The following FBN3 variants were observed in gnomAD, a reference collection of about 807,000 sequenced individuals.
FBN3 encodes fibrillin-3.
In FBN3, 234 loss-of-function variants were observed where a neutral mutation model predicts 330.1. The ratio of observed to expected loss-of-function variants is 0.71; its 90% CI spans 0.64 to 0.79. FBN3 has a LOEUF of 0.79. Among genes scored for constraint, FBN3 ranks in the 30% least tolerant of loss-of-function variants. FBN3 has a pLI of 0.00. For synonymous variants in FBN3, 1,458 were observed against 1,517.3 expected, an observed-to-expected ratio of 0.96 and a Z score of 0.91; for missense variants, 3,606 against 3,886.9, an observed-to-expected ratio of 0.93 and a Z score of 1.92.
At position 8,096,187 on chromosome 19, in the gene FBN3, GC is replaced by G; in HGVS notation, c.5540-108del. ...GCACTCCTCCCCTGCACCTAGCCCT[GC>G]CTAGATGACTGGGCAGTGACCCCTG... is the stretch of plus-strand genomic sequence containing the variant. On this transcript the variant is annotated intron_variant, in intron 44 of 63. Coordinates refer to ENST00000600128, the MANE Select transcript of FBN3 (RefSeq NM_032447.5). The surrounding 1 kb of genome is among the most constrained non-coding windows in gnomAD (Gnocchi z 4.6). 1.1e-6 allele frequency: 1 copy of G among 944,770 alleles called. No individual in the cohort carries two copies. Among genetic ancestry groups the G allele is most frequent in the East Asian group, 2.4e-5 (1 of 41,594 alleles). The allele number at this position is 944,770 out of a possible 1,614,324, so 58.5% of individuals were successfully genotyped here. A position where few individuals can be genotyped will look rare whatever the true frequency, so the allele number is the denominator to read the frequency against.
At chr19:8,145,736 G>T in intron 5 of FBN3, 107 bp downstream of exon 5, 1 of 739,040 alleles carries the variant, frequency 1.4e-6, no homozygotes, top group Non-Finnish European at 2.2e-6. Context: ...GCAATCTCCA[G>T]TCCAGGAAGA....
chr19:8,131,115 TG>T lies in FBN3; in HGVS notation c.2044+119del. 1 of 842,478 alleles carries T rather than the reference TG, an allele frequency of 1.2e-6. No homozygotes were observed. Among genetic ancestry groups the T allele is most frequent in the Non-Finnish European group, 1.9e-6 (1 of 540,092 alleles). 52.2% of individuals were successfully genotyped at this position (842,478 alleles called of 1,614,324 possible). ...ATCAGCTTCTGTTGTTGAAGCCGTCTGGTCTGGGGCACTTTGTTACGGGAAC... is the reference window on the plus strand; with the variant it reads ...ATCAGCTTCTGTTGTTGAAGCCGTCTGTCTGGGGCACTTTGTTACGGGAAC... On this transcript the variant is annotated intron_variant, in intron 16 of 63. Coordinates refer to ENST00000600128, the MANE Select transcript of FBN3 (RefSeq NM_032447.5). The surrounding 1 kb of genome is among the most constrained non-coding windows in gnomAD (Gnocchi z 4.5).
In FBN3 at chr19:8,075,349, G is replaced by C; in HGVS notation, c.7516C>G (p.Pro2506Ala). 1.2e-6 allele frequency: 2 copies of C among 1,614,220 alleles called. No homozygotes were observed. Among genetic ancestry groups the C allele is most frequent in the Non-Finnish European group, 1.7e-6 (2 of 1,180,044 alleles). Residue 2506 changes from proline (P) to alanine (A), a missense_variant, in exon 60 of 64, where the codon CCG (proline) becomes GCG (alanine). By Grantham distance (27) the Pro-to-Ala change is conservative (BLOSUM62 -1). Transcript: ENST00000600128. Reference protein sequence around the residue: ...CGAHGHCHNTPGSFRCECHQG... With the variant: ...CGAHGHCHNTAGSFRCECHQG... ...TGGCATTCACAGCGGAAGCTGCCCG[G>C]GGTGTTGTGGCAGTGCCCGTGGGCA... is the stretch of plus-strand genomic sequence containing the variant.
intron 23 of FBN3, 62 bp downstream of exon 23, chr19:8,123,722 C>T: frequency 5.0e-6 from 8 of 1,598,910 alleles, no homozygotes; most frequent in Admixed American, 1.7e-5. Flanking sequence ...CATCTCCAGG[C>T]TTTTGCCTAT....
At chr19:8,140,493 T>C (rs769300564) in intron 8 of FBN3, among the ~76,000 whole-genome samples, 18 of 152,176 alleles carry the variant, frequency 1.2e-4, no homozygotes, top group African/African-American at 4.1e-4. Context: ...ATCCTGTCAT[T>C]GCTGTAAGTA....
intron 37 of FBN3, 150 bp downstream of exon 37, chr19:8,108,020 A>G: frequency 1.7e-6 from 1 of 573,220 alleles, no homozygotes; most frequent in Non-Finnish European, 3.1e-6. Flanking sequence ...AACTAAAAGC[A>G]TAGTGTGGTC....
chr19:8,086,377 C>T (rs11665747), intron 54 of FBN3, 52 bp from the exon 55 acceptor site: 433,545 of 1,509,464 alleles, frequency 0.29, 67,394 homozygotes, highest in Middle Eastern at 0.34. Flanking sequence ...GGCAGCCAGC[C>T]TCTCCCACAG....
chr19:8,112,014 G>T lies in FBN3; in HGVS notation c.3924C>A (p.Cys1308Ter). 2 of 1,609,492 alleles carry T rather than the reference G, an allele frequency of 1.2e-6. No individual in the cohort carries two copies. Among genetic ancestry groups the T allele is most frequent in the Non-Finnish European group, 1.7e-6 (2 of 1,178,088 alleles). ...LNIPGSFSCR[C>*]LPGWVGDGFE... ...AGCCATCCCCCACCCAGCCTGGCAG[G>T]CACCTACAGCTGAAACTCCCCGGGA... The change falls in exon 31 of 64, where the codon TGC becomes TGA. Residue 1308 changes from cysteine to a stop codon, truncating the protein, a stop_gained. Coordinates refer to ENST00000600128, the MANE Select transcript of FBN3 (RefSeq NM_032447.5). LOFTEE classifies it high-confidence loss of function.
intron 5 of FBN3, among the ~76,000 whole-genome samples, 163 bp downstream of exon 5, chr19:8,145,680 C>CT (rs2083522713): frequency 9.2e-6 from 1 of 108,708 alleles, no homozygotes; most frequent in Non-Finnish European, 1.8e-5. Context: ...GACTCTGTCT[C>CT]AAAAAAAAAA....
rs1335949055 is a variant in FBN3, at chr19:8,088,291, C to T, written c.6377-112G>A. ...AGATCGGAGGGGGCCAGATCGAATG[C>T]ACCTCTAGTCTGGCTATGGGGCAGG... On this transcript the variant is annotated intron_variant, in intron 51 of 63. Transcript: ENST00000600128. 21 of 1,318,182 alleles carry T rather than the reference C, an allele frequency of 1.6e-5. No homozygotes were observed. In the East Asian group the frequency reaches 4.4e-4, roughly 28 times the overall value. The allele number at this position is 1,318,182 out of a possible 1,614,324, so 81.7% of individuals were successfully genotyped here. A position where few individuals can be genotyped will look rare whatever the true frequency, so the allele number is the denominator to read the frequency against.
At chr19:8,093,480 G>A (rs541544437) in intron 47 of FBN3, among the ~76,000 whole-genome samples, 3 of 152,224 alleles carry the variant, frequency 2.0e-5, no homozygotes, top group East Asian at 1.9e-4. Context: ...AAAAATAGCC[G>A]GGCATGGTGG....
Position 8,081,484 on chromosome 19 carries a change from G to A in FBN3, c.7214-4C>T. 6.3e-7 allele frequency: 1 copy of A among 1,599,892 alleles called. No homozygotes were observed. The highest frequency in any genetic ancestry group is 1.8e-5 in the Admixed American group (1 of 57,140). Reference sequence around the variant, plus strand: ...ACCTGGCTGCACTCATCCATATCTGGGGAAGGACAGCGTGGGTAGTGGGGC... The same window carrying A: ...ACCTGGCTGCACTCATCCATATCTGAGGAAGGACAGCGTGGGTAGTGGGGC... On this transcript the variant is annotated splice_region_variant and splice_polypyrimidine_tract_variant and intron_variant, in intron 57 of 63. Coordinates refer to ENST00000600128, the MANE Select transcript of FBN3 (RefSeq NM_032447.5).
chr19:8,119,114 C>T, intron 25 of FBN3, 92 bp from the exon 26 acceptor site: 1 of 1,413,180 alleles, frequency 7.1e-7, no homozygotes. Context: ...TCCGCCACCT[C>T]CCCAGCCCCC....
rs767458634 is a variant in FBN3, at chr19:8,081,003, C to A, written c.7453G>T (p.Asp2485Tyr). Residue 2485 changes from aspartate to tyrosine, a missense_variant and splice_region_variant, in exon 59 of 64, where the codon GAC becomes TAC. Coordinates refer to ENST00000600128, the MANE Select transcript of FBN3 (RefSeq NM_032447.5). The stretch of plus-strand genomic sequence containing the variant: ...CCGGTGAGGGGCAAGGGTCACTCAC[C>A]GAAGCAGGCCTGGTGGTGCTGGGTG... ...GFTQHHQACF[D>Y]NDECSAQPGP... The A allele has an allele frequency of 1.9e-6, 3 of 1,607,746 alleles. No individual in the cohort carries two copies. In the African/African-American group the frequency reaches 4.0e-5, roughly 21 times the overall value.
At chr19:8,084,754 T>A (rs2081895020) in intron 56 of FBN3, among the ~76,000 whole-genome samples, 1 of 151,800 alleles carries the variant, frequency 6.6e-6, no homozygotes, top group African/African-American at 2.4e-5. Context: ...ATCCAGCTAA[T>A]TTTTTGTATT....
intron 32 of FBN3, 48 bp from the exon 33 acceptor site, chr19:8,111,231 C>T: frequency 6.5e-7 from 1 of 1,543,872 alleles, no homozygotes; most frequent in Non-Finnish European, 8.7e-7. Flanking sequence ...GGACCAGGAC[C>T]CACACAGGGT....
rs138707198 is a variant in FBN3 at position 8,146,211 on chromosome 19, C to T, written c.265G>A (p.Ala89Thr). Residue 89 changes from alanine (A) to threonine (T), a missense_variant, in exon 4 of 64, where the codon GCC becomes ACC. Coordinates refer to ENST00000600128, the MANE Select transcript of FBN3 (RefSeq NM_032447.5). ...SQCVVPICRR[A>T]CGEGFCSQPN... ...TGGGAGCAGAAGCCTTCACCGCAGG[C>T]GCGCCTACAGATGGCTGGATGAGTG... 24 of 1,595,236 alleles carry T rather than the reference C, an allele frequency of 1.5e-5. No individual in the cohort carries two copies. The African/African-American group carries it at 1.9e-4, about 12-fold the overall frequency.
In FBN3 at chr19:8,117,863, T is replaced by A. The variant is rs372956582; in HGVS notation, c.3338-274A>T. Among the ~76,000 whole-genome samples, 15 of 151,396 alleles carry A rather than the reference T, an allele frequency of 9.9e-5. No homozygotes were observed. The South Asian group carries it at 3.1e-3, about 32-fold the overall frequency. On this transcript the variant is annotated intron_variant, in intron 26 of 63. Transcript: ENST00000600128. ...CACTCACGTGTGAACACACTCACCC[T>A]TGACAGACACACACAGGCACACTCA...
chr19:8,123,628 A>C, intron 23 of FBN3, 39 bp from the exon 24 acceptor site: 2 of 1,611,278 alleles, frequency 1.2e-6, no homozygotes, highest in South Asian at 2.2e-5. Flanking sequence ...GACGTCCCCA[A>C]GCTCAGGATC....
Sources: allele counts gnomAD v4.1 joint callset (sites outside exome capture counted in the v4.1 genomes callset), GRCh38; gene constraint gnomAD v4.1.1; non-coding constraint Gnocchi (gnomAD v3.1); transcripts MANE v1.5; gene names NCBI Gene and HGNC (gene_info 2026-07-23, HGNC 2026-07-21).